The following MAGI2 variants were observed in gnomAD, a reference collection of about 807,000 sequenced individuals.
MAGI2 encodes membrane associated guanylate kinase, WW and PDZ domain containing 2, also known as membrane-associated guanylate kinase, WW and PDZ domain-containing protein 2.
Under a neutral mutation model 133.3 loss-of-function variants are expected in MAGI2, and 35 were observed. The observed-to-expected ratio is 0.26, with a 90% CI of 0.20 to 0.35. MAGI2 has a LOEUF of 0.35. Ranked by LOEUF, MAGI2 falls within the 10% of genes least tolerant of loss-of-function variation. The pLI is 1.00. For synonymous variants in MAGI2, 729 were observed against 710.6 expected, an observed-to-expected ratio of 1.03 and a Z score of -0.41; for missense variants, 1,636 against 1,863.4, an observed-to-expected ratio of 0.88 and a Z score of 2.25.
chr7:78,788,591 A>G (rs2151361212), intron 2 of MAGI2, among the ~76,000 whole-genome samples: 1 of 152,228 alleles, frequency 6.6e-6, no homozygotes, highest in South Asian at 2.1e-4. Context: ...ATCAAAAAAA[A>G]AAAGCACTGA....
chr7:78,084,821 G>C (rs987167571), intron 20 of MAGI2, among the ~76,000 whole-genome samples: 9 of 152,186 alleles, frequency 5.9e-5, no homozygotes, highest in African/African-American at 1.9e-4. Flanking sequence ...ACAAAGGACA[G>C]GCTGATTTCC....
At chr7:78,702,645 T>C (rs900289066) in intron 2 of MAGI2, among the ~76,000 whole-genome samples, 10 of 152,128 alleles carry the variant, frequency 6.6e-5, no homozygotes, top group African/African-American at 2.4e-4. Context: ...ATATTCCATT[T>C]CTTTCTTCTT....
rs567680920 is a variant in MAGI2 at position 78,902,801 on chromosome 7, C to T, written c.418+104289G>A. Among the ~76,000 whole-genome samples the T allele has an allele frequency of 2.6e-5, 4 of 152,240 alleles. No individual in the cohort carries two copies. In the South Asian group the frequency reaches 8.3e-4, roughly 32 times the overall value. On this transcript the variant is annotated intron_variant, in intron 2 of 21. Coordinates refer to ENST00000354212, the MANE Select transcript of MAGI2 (RefSeq NM_012301.4). The stretch of plus-strand genomic sequence containing the variant: ...CAATTGGACCCCTGTTGGTAGTTCT[C>T]CCGGGCAACCAGCAGAAACAAACCC...
intron 2 of MAGI2, among the ~76,000 whole-genome samples, chr7:78,683,302 G>T (rs1003391677): frequency 3.3e-5 from 5 of 152,170 alleles, no homozygotes; most frequent in Admixed American, 1.3e-4. Flanking sequence ...AGGATGGAAA[G>T]AGCTAATAGA....
rs888337225 is a variant in MAGI2 at position 79,217,683 on chromosome 7, T to C, written c.302-210477A>G. ...GGTGACTAAGAACTAGACCTTTGTT[T>C]GAACAGGGCTTTATTTTAACCAGCT... On this transcript the variant is annotated intron_variant, in intron 1 of 21. Coordinates refer to ENST00000354212, the MANE Select transcript of MAGI2 (RefSeq NM_012301.4). 5.3e-5 allele frequency among the ~76,000 whole-genome samples: 8 copies of C among 152,026 alleles called. 1 individual carries two copies. The highest frequency in any genetic ancestry group is 1.9e-4 in the African/African-American group (8 of 41,314).
chr7:78,848,349 A>G (rs1792811850), intron 2 of MAGI2, among the ~76,000 whole-genome samples: 2 of 151,858 alleles, frequency 1.3e-5, no homozygotes, highest in African/African-American at 2.4e-5. Context: ...GGACATCACA[A>G]ATCTATCCAC....
rs1380768925 is a variant in MAGI2, at chr7:78,019,663, G to A, written c.4020C>T (p.Ala1340=). ...CCCTGGCCTCCGAGGCGGGCCTGCC[G>A]GCCTCGGGCCGCCCCTGGCCGCCGG... ...EAPGGQGRPE[A]GRPASEARAP... Residue 1340 remains alanine (A), a synonymous_variant, in exon 22 of 22, where the codon GCC becomes GCT. Coordinates refer to ENST00000354212, the MANE Select transcript of MAGI2 (RefSeq NM_012301.4). 7.9e-7 allele frequency: 1 copy of A among 1,263,844 alleles called. No homozygotes were observed. Among genetic ancestry groups the A allele is most frequent in the Non-Finnish European group, 9.9e-7 (1 of 1,007,804 alleles). The allele number at this position is 1,263,844 out of a possible 1,614,324, so 78.3% of individuals were successfully genotyped here. A position where few individuals can be genotyped will look rare whatever the true frequency, so the allele number is the denominator to read the frequency against.
intron 6 of MAGI2, among the ~76,000 whole-genome samples, chr7:78,424,281 T>C (rs954674145): frequency 6.6e-6 from 1 of 152,162 alleles, no homozygotes; most frequent in African/African-American, 2.4e-5. Context: ...CCATGTGGCA[T>C]TGAGCCTGCA....
intron 2 of MAGI2, among the ~76,000 whole-genome samples, chr7:78,906,753 T>C (rs1316222472): frequency 2.1e-5 from 3 of 140,278 alleles, no homozygotes; most frequent in African/African-American, 3.0e-5. Context: ...ATAGAAATTA[T>C]AAACATCTCT....
intron 13 of MAGI2, among the ~76,000 whole-genome samples, chr7:78,178,487 G>C (rs1242524779): frequency 6.6e-6 from 1 of 152,138 alleles, no homozygotes; most frequent in African/African-American, 2.4e-5. Flanking sequence ...GCGCAAGTAA[G>C]AGAGAACAGA....
intron 3 of MAGI2, among the ~76,000 whole-genome samples, chr7:78,559,547 C>T (rs1800199162): frequency 6.6e-6 from 1 of 151,972 alleles, no homozygotes; most frequent in South Asian, 2.1e-4. Context: ...ACTATTTGGT[C>T]TTATATTAAA....
chr7:78,586,360 C>T (rs552025445), intron 3 of MAGI2, among the ~76,000 whole-genome samples: 5 of 151,732 alleles, frequency 3.3e-5, no homozygotes, highest in Admixed American at 2.0e-4. Flanking sequence ...AGAGTCCCCC[C>T]CAAACACCCC....
At chr7:79,092,678 A>T (rs927161036) in intron 1 of MAGI2, among the ~76,000 whole-genome samples, 3 of 152,212 alleles carry the variant, frequency 2.0e-5, no homozygotes, top group Non-Finnish European at 4.4e-5. Flanking sequence ...TGCTACAGAT[A>T]GTACATAAAC....
At chr7:78,188,778 A>G (rs771124739) in intron 12 of MAGI2, among the ~76,000 whole-genome samples, 28 of 152,114 alleles carry the variant, frequency 1.8e-4, no homozygotes, top group Admixed American at 3.9e-4. Context: ...TAGCTATGGC[A>G]TCCATGAATT....
At chr7:79,077,058 G>C (rs1027031651) in intron 1 of MAGI2, among the ~76,000 whole-genome samples, 1 of 152,168 alleles carries the variant, frequency 6.6e-6, no homozygotes, top group Non-Finnish European at 1.5e-5. Flanking sequence ...TGGGGATTTT[G>C]AATCTTGAGT....
chr7:78,399,535 T>C (rs915210182), intron 6 of MAGI2, among the ~76,000 whole-genome samples: 2 of 152,174 alleles, frequency 1.3e-5, no homozygotes, highest in African/African-American at 2.4e-5. Context: ...CTGGGTGCAG[T>C]GGCTCATGCC....
chr7:78,413,158 G>C (rs1798007598), intron 6 of MAGI2, among the ~76,000 whole-genome samples: 1 of 152,164 alleles, frequency 6.6e-6, no homozygotes, highest in Non-Finnish European at 1.5e-5. Flanking sequence ...GAGAAAAGTT[G>C]TATTAGATAG....
chr7:78,255,080 C>G (rs1438560252), intron 10 of MAGI2: 1 of 152,258 alleles, frequency 6.6e-6, no homozygotes, highest in Non-Finnish European at 1.5e-5. Flanking sequence ...AGATAGTATC[C>G]TCTTTATCTA....
At chr7:78,722,586 G>A (rs1336349473) in intron 2 of MAGI2, among the ~76,000 whole-genome samples, 2 of 151,854 alleles carry the variant, frequency 1.3e-5, no homozygotes, top group Non-Finnish European at 2.9e-5. Context: ...CATCAAAAAA[G>A]CCCAGAACTC....
Sources: gnomAD v4.1 joint callset for allele counts (sites outside exome capture counted in the v4.1 genomes callset) on GRCh38, gnomAD v4.1.1 for gene constraint, MANE v1.5 for transcripts, NCBI Gene and HGNC (gene_info 2026-07-23, HGNC 2026-07-21) for gene names.